UVRAG: variants seen among roughly 807,000 people sequenced by gnomAD.
UVRAG encodes the protein UV radiation resistance associated.
In UVRAG, 19 loss-of-function variants were observed where a neutral mutation model predicts 78.0. The ratio of observed to expected loss-of-function variants is 0.24; its 90% confidence interval spans 0.17 to 0.36. The LOEUF (loss-of-function observed/expected upper bound fraction) is 0.36. UVRAG is among the 10% of genes least tolerant of loss of function. The pLI, the probability that UVRAG is intolerant of heterozygous loss-of-function variation, is 1.00. For missense variants in UVRAG, 740 were observed against 853.8 expected (o/e 0.87, Z 1.66); for synonymous variants, 323 against 324.6 (o/e 1.00, Z 0.05).
chr11:75,887,349 T>C (rs1947102658), intron 4 of UVRAG, among the ~76,000 whole-genome samples: 1 of 151,266 alleles, frequency 6.6e-6, no homozygotes, highest in Admixed American at 6.6e-5. Flanking sequence ...TTTCACCATG[T>C]TGGCCAGGCT....
rs181333174 is a variant in UVRAG at position 75,906,231 on chromosome 11, A to G, written c.508-5723A>G. Among the ~76,000 whole-genome samples, 261 of 152,158 alleles carry G rather than the reference A, an allele frequency of 1.7e-3. 5 individuals carry two copies. Among genetic ancestry groups the G allele is most frequent in the African/African-American group, 5.8e-3 (241 of 41,500 alleles). On this transcript the variant is annotated intron_variant, in intron 5 of 14. Transcript: ENST00000356136. ...AAGTATAATTTACTGATTTTTTTGT[A>G]CTAATGCTTTTTATATCATATCTAA...
At chr11:76,074,977 G>A (rs935769235) in intron 13 of UVRAG, among the ~76,000 whole-genome samples, 7 of 152,114 alleles carry the variant, frequency 4.6e-5, no homozygotes, top group East Asian at 1.9e-4. Context: ...TGCCAAGGAC[G>A]TGATCCTTCT....
intron 12 of UVRAG, among the ~76,000 whole-genome samples, chr11:76,055,059 T>G (rs1233268455): frequency 6.6e-6 from 1 of 152,190 alleles, no homozygotes; most frequent in Admixed American, 6.5e-5. Flanking sequence ...TTTCCACCTA[T>G]AGGAAGCTGC....
chr11:76,096,772 C>T (rs1041262006), intron 13 of UVRAG, among the ~76,000 whole-genome samples: 1 of 152,142 alleles, frequency 6.6e-6, no homozygotes, highest in African/African-American at 2.4e-5. Context: ...CAAGCAAATA[C>T]CCTGAGGCGC....
Position 75,983,386 on chromosome 11 carries a change from GAA to G in UVRAG, c.708_709del (p.Ser237Ter). On this transcript the variant is annotated frameshift_variant and splice_region_variant, in exon 8 of 15. Transcript: ENST00000356136. LOFTEE classifies it high-confidence loss of function. ...ATATACCTGTGATTTTATTTATTTA[GAA>G]AAAAAAAAGTGAATGCCTGCAGTTA... is the stretch of plus-strand genomic sequence containing the variant. The part of the protein sequence containing the change: ...LRLTSTSNEL[K>X]KKSECLQLKI... The G allele has an allele frequency of 7.1e-7, 1 of 1,414,894 alleles. No homozygotes were observed. Among genetic ancestry groups the G allele is most frequent in the South Asian group, 1.3e-5 (1 of 75,016 alleles). The allele number at this position is 1,414,894 out of a possible 1,614,324, so 87.6% of individuals were successfully genotyped here.
chr11:75,846,986 G>A (rs1046761012), intron 1 of UVRAG, among the ~76,000 whole-genome samples: 1 of 151,994 alleles, frequency 6.6e-6, no homozygotes, highest in Non-Finnish European at 1.5e-5. Context: ...ACCACGCCCG[G>A]CTAATTTTTT....
intron 6 of UVRAG, among the ~76,000 whole-genome samples, chr11:75,928,961 A>AAAAAAAAAAAAAAAG (rs767893577): frequency 4.9e-5 from 7 of 142,934 alleles, no homozygotes; most frequent in African/African-American, 2.0e-4. Flanking sequence ...AAAAAAAAAA[A>AAAAAAAAAAAAAAAG]AAAGAATTGA....
At chr11:76,120,687 A>T (rs1952256990) in intron 14 of UVRAG, among the ~76,000 whole-genome samples, 2 of 152,228 alleles carry the variant, frequency 1.3e-5, no homozygotes, top group African/African-American at 4.8e-5. Flanking sequence ...ATAGGCTACT[A>T]AAGTAGATGC....
chr11:75,992,648 T>C (rs1949633359), intron 8 of UVRAG, among the ~76,000 whole-genome samples: 1 of 152,156 alleles, frequency 6.6e-6, no homozygotes, highest in South Asian at 2.1e-4. Context: ...CTGGTCTACT[T>C]TTTGGGCACC....
intron 7 of UVRAG, 96 bp from the exon 8 acceptor site, chr11:75,983,291 T>G: frequency 8.5e-7 from 1 of 1,178,356 alleles, no homozygotes; most frequent in Non-Finnish European, 1.2e-6. Flanking sequence ...TTAAAATGTT[T>G]TAAGCCATTA....
At chr11:76,078,578 T>C (rs903994160) in intron 13 of UVRAG, among the ~76,000 whole-genome samples, 3 of 151,616 alleles carry the variant, frequency 2.0e-5, no homozygotes, top group African/African-American at 7.3e-5. Flanking sequence ...TGAAATGATT[T>C]AATGGAAAGA....
chr11:76,140,236 C>T (rs1279610238), intron 14 of UVRAG, among the ~76,000 whole-genome samples: 2 of 151,194 alleles, frequency 1.3e-5, no homozygotes, highest in Non-Finnish European at 2.9e-5. Context: ...TTCTCACTGC[C>T]TCACTGAGCA....
At chr11:75,827,362 A>C (rs7102067) in intron 1 of UVRAG, among the ~76,000 whole-genome samples, 3,986 of 152,296 alleles carry the variant, frequency 0.026, 162 homozygotes, top group African/African-American at 0.087. Flanking sequence ...CTGTAATCCC[A>C]GCACTGGGAG....
chr11:75,827,659 A>G (rs1191674037), intron 1 of UVRAG, among the ~76,000 whole-genome samples: 3 of 152,184 alleles, frequency 2.0e-5, no homozygotes, highest in Non-Finnish European at 4.4e-5. Context: ...AGTGCAGGAT[A>G]GGAAAAACTG....
intron 12 of UVRAG, among the ~76,000 whole-genome samples, chr11:76,060,319 G>A (rs1241722715): frequency 1.3e-5 from 2 of 152,168 alleles, no homozygotes; most frequent in Non-Finnish European, 2.9e-5. Flanking sequence ...AACCTTACCT[G>A]CTACCTATCA....
chr11:76,024,336 C>T (rs957261227), intron 12 of UVRAG, among the ~76,000 whole-genome samples: 1 of 152,070 alleles, frequency 6.6e-6, no homozygotes, highest in African/African-American at 2.4e-5. Context: ...TTGATTTTCT[C>T]GAGTGATCTG....
intron 14 of UVRAG, among the ~76,000 whole-genome samples, chr11:76,121,544 G>T (rs1251644459): frequency 6.6e-6 from 1 of 152,188 alleles, no homozygotes; most frequent in African/African-American, 2.4e-5. Context: ...CAGCCTAATG[G>T]CTGCCTGTAA....
intron 14 of UVRAG, among the ~76,000 whole-genome samples, chr11:76,132,663 A>G (rs1180851626): frequency 6.6e-6 from 1 of 152,102 alleles, no homozygotes; most frequent in Non-Finnish European, 1.5e-5. Flanking sequence ...AAGTTTCCAC[A>G]TTTACATCAG....
At position 76,003,257 on chromosome 11, in the gene UVRAG, ATTTTTTTTTTTTTT is replaced by A. The variant is rs398045280; in HGVS notation, c.827-730_827-717del. 1.2e-3 allele frequency among the ~76,000 whole-genome samples: 63 copies of A among 53,798 alleles called. No individual in the cohort carries two copies. In the South Asian group the frequency reaches 0.02, roughly 17 times the overall value. 35.3% of individuals were successfully genotyped at this position (53,798 alleles called of 152,430 possible). A position where few individuals can be genotyped will look rare whatever the true frequency, so the allele number is the denominator to read the frequency against. On this transcript the variant is annotated intron_variant, in intron 8 of 14. Coordinates refer to ENST00000356136, the MANE Select transcript of UVRAG (RefSeq NM_003369.4). ...CACTATGATTTTCACGAAAATACTG[ATTTTTTTTTTTTTT>A]TTTTTTTTTTTTTTTTTGGAGACAG... is the stretch of plus-strand genomic sequence containing the variant.
Sources: allele counts gnomAD v4.1 joint callset (sites outside exome capture counted in the v4.1 genomes callset), GRCh38; gene constraint gnomAD v4.1.1; transcripts MANE v1.5; gene names NCBI Gene and HGNC (gene_info 2026-07-23, HGNC 2026-07-21).